The following NSUN6 variants were observed in gnomAD, a reference collection of about 807,000 sequenced individuals.
NSUN6 encodes the protein tRNA (cytosine(72)-C(5))-methyltransferase NSUN6.
A neutral mutation model predicts 58.0 loss-of-function variants in NSUN6; 64 were observed. The observed-to-expected ratio is 1.10, with a 90% CI of 0.90 to 1.36. The LOEUF is 1.36. NSUN6 is among the 40% of genes most tolerant of loss of function. The pLI is 0.00. For missense variants in NSUN6, 701 were observed against 550.1 expected (o/e 1.27, Z -2.74); for synonymous variants, 231 against 193.9 (o/e 1.19, Z -1.59).
At chr10:18,575,675 T>G (rs2056611148) in intron 8 of NSUN6, among the ~76,000 whole-genome samples, 1 of 152,176 alleles carries the variant, frequency 6.6e-6, no homozygotes, top group African/African-American at 2.4e-5. Flanking sequence ...GAGACTCGAT[T>G]GCCATGGACC....
At chr10:18,601,341 G>A (rs867201164) in intron 6 of NSUN6, among the ~76,000 whole-genome samples, 3 of 152,128 alleles carry the variant, frequency 2.0e-5, no homozygotes, top group South Asian at 2.1e-4. Flanking sequence ...ATGAAACTAC[G>A]TCACAGACTT....
chr10:18,658,975 AAGTC>A (rs1378307630), upstream of NSUN6, among the ~76,000 whole-genome samples: 1 of 152,238 alleles, frequency 6.6e-6, no homozygotes, highest in African/African-American at 2.4e-5. Flanking sequence ...GAACAGGAAT[AAGTC>A]AGGAAAGAAA....
chr10:18,632,330 A>C (rs1029931908), intron 3 of NSUN6, among the ~76,000 whole-genome samples: 6 of 130,278 alleles, frequency 4.6e-5, no homozygotes, highest in African/African-American at 1.7e-4. Context: ...ATTACCATTC[A>C]GGACTTAGGC....
At chr10:18,617,945 C>T (rs1356454590) in intron 3 of NSUN6, among the ~76,000 whole-genome samples, 1 of 152,144 alleles carries the variant, frequency 6.6e-6, no homozygotes, top group Non-Finnish European at 1.5e-5. Context: ...TCTTGGACTT[C>T]GTATCCTCCA....
intron 8 of NSUN6, among the ~76,000 whole-genome samples, chr10:18,568,065 GTTCCA>G (rs1397898571): frequency 7.2e-6 from 1 of 139,400 alleles, no homozygotes; most frequent in African/African-American, 2.7e-5. Flanking sequence ...TCCATTTTCC[GTTCCA>G]TTCCATTCCA....
intron 9 of NSUN6, 102 bp downstream of exon 9, chr10:18,551,721 T>C (rs773425563): frequency 6.5e-6 from 6 of 921,728 alleles, no homozygotes; most frequent in Admixed American, 4.2e-5. Context: ...TTCCCACCTT[T>C]TGGCTATTGT....
intron 7 of NSUN6, among the ~76,000 whole-genome samples, chr10:18,594,733 C>T (rs886544501): frequency 2.0e-5 from 3 of 152,200 alleles, no homozygotes; most frequent in African/African-American, 7.2e-5. Context: ...TTCGTGTCTG[C>T]ATTGCTGCCC....
intron 8 of NSUN6, among the ~76,000 whole-genome samples, chr10:18,572,833 C>T (rs1403850351): frequency 6.6e-6 from 1 of 151,080 alleles, no homozygotes; most frequent in Admixed American, 6.6e-5. Context: ...ATTCCATTCT[C>T]CATTCCATTC....
At chr10:18,590,618 G>A (rs1036633994) in intron 7 of NSUN6, among the ~76,000 whole-genome samples, 21 of 152,068 alleles carry the variant, frequency 1.4e-4, no homozygotes, top group African/African-American at 3.1e-4. Context: ...AAAACCGCAC[G>A]ACTACATGGA....
chr10:18,624,878 A>C (rs1160483810), intron 3 of NSUN6, among the ~76,000 whole-genome samples: 9 of 152,102 alleles, frequency 5.9e-5, no homozygotes, highest in Non-Finnish European at 1.5e-5. Context: ...CACAATTCCT[A>C]AACTCTGTAC....
intron 7 of NSUN6, among the ~76,000 whole-genome samples, chr10:18,590,519 C>A (rs757825542): frequency 1.3e-5 from 2 of 152,180 alleles, no homozygotes; most frequent in African/African-American, 2.4e-5. Flanking sequence ...AAACACTCCT[C>A]AGCAAATGCA....
chr10:18,597,292 G>A (rs922402833), intron 6 of NSUN6, among the ~76,000 whole-genome samples: 1 of 152,124 alleles, frequency 6.6e-6, no homozygotes, highest in Non-Finnish European at 1.5e-5. Flanking sequence ...AAATTATTTG[G>A]CAAGAAAAAC....
chr10:18,600,941 A>AAAAAAATATAC, intron 6 of NSUN6, among the ~76,000 whole-genome samples: 2 of 43,542 alleles, frequency 4.6e-5, no homozygotes, highest in African/African-American at 1.6e-4. Flanking sequence ...AAAAAAAAAA[A>AAAAAAATATAC]ATATATATAT....
At chr10:18,619,559 C>G (rs2058527641) in intron 3 of NSUN6, among the ~76,000 whole-genome samples, 1 of 152,102 alleles carries the variant, frequency 6.6e-6, no homozygotes, top group African/African-American at 2.4e-5. Context: ...TTCTGCATTC[C>G]TAACCTCTAA....
At chr10:18,610,053 C>G in intron 5 of NSUN6, 127 bp from the exon 6 acceptor site, 2 of 657,102 alleles carry the variant, frequency 3.0e-6, no homozygotes, top group Non-Finnish European at 5.5e-6. Flanking sequence ...ACTATTTTGG[C>G]TCAAGCCTGT....
intron 8 of NSUN6, among the ~76,000 whole-genome samples, chr10:18,582,009 A>C (rs978275598): frequency 6.6e-6 from 1 of 152,050 alleles, no homozygotes; most frequent in African/African-American, 2.4e-5. Flanking sequence ...TTCCAGTAAC[A>C]TAATTACTGG....
intron 3 of NSUN6, among the ~76,000 whole-genome samples, chr10:18,628,285 T>TA (rs2058898131): frequency 6.6e-6 from 1 of 151,812 alleles, no homozygotes; most frequent in African/African-American, 2.4e-5. Flanking sequence ...CAAAAGTAGA[T>TA]AAAACCACAA....
At chr10:18,564,895 T>C (rs959821444) in intron 8 of NSUN6, among the ~76,000 whole-genome samples, 3 of 150,750 alleles carry the variant, frequency 2.0e-5, no homozygotes, top group South Asian at 2.1e-4. Context: ...TTCCATTTCA[T>C]TGCATTCTAT....
intron 8 of NSUN6, among the ~76,000 whole-genome samples, chr10:18,584,958 G>A (rs1404780375): frequency 1.5e-5 from 2 of 136,080 alleles, no homozygotes; most frequent in African/African-American, 2.7e-5. Context: ...CAAAAATAAA[G>A]ACCTATTTCA....
Sources: allele counts gnomAD v4.1 joint callset (sites outside exome capture counted in the v4.1 genomes callset), GRCh38; gene constraint gnomAD v4.1.1; transcripts MANE v1.5; gene names NCBI Gene and HGNC (gene_info 2026-07-23, HGNC 2026-07-21).